Variants in DNAAF9 observed in about 807,000 individuals in gnomAD.
DNAAF9 encodes shulin.
Under a neutral mutation model 167.0 loss-of-function variants are expected in DNAAF9, and 90 were observed. That is an observed-to-expected ratio of 0.54 (90% CI 0.45 to 0.64). The LOEUF (loss-of-function observed/expected upper bound fraction) is 0.64, where lower values mean the gene tolerates loss of function less well. Ranked by LOEUF, DNAAF9 falls within the 30% of genes least tolerant of loss-of-function variation. The probability of loss-of-function intolerance (pLI) is 0.00; values close to 1 mark genes in which losing one functional copy is unlikely to be tolerated. For missense variants in DNAAF9, 1,315 were observed against 1,442.2 expected (o/e 0.91, Z 1.43); for synonymous variants, 491 against 508.8 (o/e 0.96, Z 0.47).
Position 3,298,105 on chromosome 20 carries a change from T to C in DNAAF9, c.1853A>G (p.His618Arg). 6.2e-7 allele frequency: 1 copy of C among 1,612,496 alleles called. No homozygotes were observed. Among genetic ancestry groups the C allele is most frequent in the Non-Finnish European group, 8.5e-7 (1 of 1,178,592 alleles). The stretch of plus-strand genomic sequence containing the variant: ...CAGAAAATTGCTTGATCCATGGAAA[T>C]GAACTGGGAGGTGAGGAAGCAATGA... ...KSSLLPHLPV[H>R]FHGSSNFLMI... Residue 618 changes from histidine to arginine, a missense_variant, in exon 22 of 37, where the codon CAT becomes CGT. His to Arg is a conservative substitution (Grantham distance 29). This residue lies in a region of DNAAF9 where 981 missense variants were observed against 1,012.5 expected (regional missense o/e 0.97). Coordinates refer to ENST00000252032, the MANE Select transcript of DNAAF9 (RefSeq NM_001009984.3).
chr20:3,310,762 C>T (rs1315764184), intron 20 of DNAAF9, among the ~76,000 whole-genome samples: 1 of 151,582 alleles, frequency 6.6e-6, no homozygotes, highest in Non-Finnish European at 1.5e-5. Flanking sequence ...CAAGAACAAG[C>T]ATTTAACAGA....
At chr20:3,400,650 T>G (rs1288642840) in intron 1 of DNAAF9, among the ~76,000 whole-genome samples, 1 of 152,148 alleles carries the variant, frequency 6.6e-6, no homozygotes, top group African/African-American at 2.4e-5. Flanking sequence ...TTTTTAAAAA[T>G]TTTAGGGCAA....
intron 20 of DNAAF9, among the ~76,000 whole-genome samples, chr20:3,313,885 A>G (rs1380155947): frequency 1.3e-5 from 2 of 152,252 alleles, no homozygotes; most frequent in African/African-American, 4.8e-5. Flanking sequence ...CAAACAGGGT[A>G]GAACCAAGAG....
chr20:3,382,439 G>A lies in DNAAF9; in HGVS notation c.151C>T (p.Leu51Phe). ...QSSKSRPDGI[L>F]CILGIDSRYN... Reference sequence around the variant, plus strand: ...TAAAAGCACTGACCTAGGATGCAGAGGATCCCATCCGGCCGAGACTTGCTG... The same window carrying A: ...TAAAAGCACTGACCTAGGATGCAGAAGATCCCATCCGGCCGAGACTTGCTG... Residue 51 changes from leucine (L) to phenylalanine (F), a missense_variant, in exon 2 of 37, where the codon CTC becomes TTC. Physicochemically the swap from Leu to Phe is conservative, Grantham distance 22 (BLOSUM62 0). Coordinates refer to ENST00000252032, the MANE Select transcript of DNAAF9 (RefSeq NM_001009984.3). 1 of 1,613,586 alleles carries A rather than the reference G, an allele frequency of 6.2e-7. No individual in the cohort carries two copies. The highest frequency in any genetic ancestry group is 8.5e-7 in the Non-Finnish European group (1 of 1,179,544).
At chr20:3,403,127 C>G (rs1457284021) in intron 1 of DNAAF9, among the ~76,000 whole-genome samples, 3 of 152,084 alleles carry the variant, frequency 2.0e-5, no homozygotes, top group Admixed American at 6.6e-5. Context: ...TGCCTTGATT[C>G]CCCCACTTCC....
chr20:3,310,247 C>G (rs1033052536), intron 20 of DNAAF9, among the ~76,000 whole-genome samples: 1 of 118,016 alleles, frequency 8.5e-6, no homozygotes, highest in Admixed American at 8.8e-5. Context: ...GAGAGAGAAA[C>G]AGAGAGAGAG....
chr20:3,288,589 T>G (rs1326461030), intron 26 of DNAAF9, among the ~76,000 whole-genome samples: 1 of 152,174 alleles, frequency 6.6e-6, no homozygotes, highest in Non-Finnish European at 1.5e-5. Flanking sequence ...GTAATTTGCC[T>G]CCCCATTCTC....
At chr20:3,266,723 C>T (rs780918506) in intron 30 of DNAAF9, among the ~76,000 whole-genome samples, 18 of 151,932 alleles carry the variant, frequency 1.2e-4, no homozygotes, top group Non-Finnish European at 2.1e-4. Context: ...GTGATCTGCC[C>T]GCCTCAGCCT....
intron 7 of DNAAF9, among the ~76,000 whole-genome samples, chr20:3,350,209 G>C (rs1449851474): frequency 6.9e-6 from 1 of 145,894 alleles, no homozygotes; most frequent in East Asian, 2.0e-4. Context: ...GCCAGGTATG[G>C]TGGCTCATGC....
intron 21 of DNAAF9, among the ~76,000 whole-genome samples, chr20:3,299,841 T>C (rs1460506534): frequency 3.9e-5 from 6 of 152,216 alleles, no homozygotes; most frequent in Non-Finnish European, 7.3e-5. Flanking sequence ...TTTTGCAAGA[T>C]TGTTTTAAAC....
In DNAAF9 at chr20:3,315,124, T is replaced by A. The variant is rs1555791120; in HGVS notation, c.1591-4A>T. 7 of 1,575,248 alleles carry A rather than the reference T, an allele frequency of 4.4e-6. No homozygotes were observed. The highest frequency in any genetic ancestry group is 6.1e-6 in the Non-Finnish European group (7 of 1,145,868). The stretch of plus-strand genomic sequence containing the variant: ...TGCCCAGGAAAGACTCATCCCCCTT[T>A]AAAAACAACAACAAAAACAAAAATC... On this transcript the variant is annotated splice_region_variant and splice_polypyrimidine_tract_variant and intron_variant, in intron 19 of 36. Coordinates refer to ENST00000252032, the MANE Select transcript of DNAAF9 (RefSeq NM_001009984.3). This position sits in a 1 kb window ranked among gnomAD's most constrained non-coding sequence, Gnocchi z 4.1.
At chr20:3,269,163 T>C (rs2068545238) in intron 30 of DNAAF9, among the ~76,000 whole-genome samples, 1 of 151,608 alleles carries the variant, frequency 6.6e-6, no homozygotes, top group Non-Finnish European at 1.5e-5. Context: ...TGCCTTGGCC[T>C]CCCAAAGTGT....
chr20:3,348,924 G>A (rs1329454238), intron 7 of DNAAF9, among the ~76,000 whole-genome samples: 1 of 152,150 alleles, frequency 6.6e-6, no homozygotes, highest in East Asian at 1.9e-4. Flanking sequence ...GGTTGGGATG[G>A]AGACTGACTG....
intron 8 of DNAAF9, among the ~76,000 whole-genome samples, chr20:3,344,877 CTCAT>C (rs1482168148): frequency 6.6e-6 from 1 of 151,980 alleles, no homozygotes; most frequent in East Asian, 1.9e-4. Context: ...AAAATGGGAC[CTCAT>C]TGTTTGTTGT....
At chr20:3,361,055 G>A (rs763606452) in intron 6 of DNAAF9, among the ~76,000 whole-genome samples, 4 of 152,092 alleles carry the variant, frequency 2.6e-5, no homozygotes, top group Non-Finnish European at 5.9e-5. Flanking sequence ...GAATAAGTAT[G>A]GTTACAAAAT....
chr20:3,303,566 C>G (rs1239889899), intron 21 of DNAAF9, among the ~76,000 whole-genome samples: 2 of 152,180 alleles, frequency 1.3e-5, no homozygotes, highest in African/African-American at 4.8e-5. Flanking sequence ...ATAGGGCCAT[C>G]CAATGTGTCC....
Position 3,296,033 on chromosome 20 carries a change from T to G in DNAAF9, c.2018+828A>C, listed in dbSNP as rs895382205. 1.6e-5 allele frequency: 17 copies of G among 1,078,684 alleles called. No individual in the cohort carries two copies. The African/African-American group carries it at 2.5e-4, about 16-fold the overall frequency. The allele number at this position is 1,078,684 out of a possible 1,614,324, so 66.8% of individuals were successfully genotyped here. The stretch of plus-strand genomic sequence containing the variant: ...GGGAACTTCGGTTTCAAGCTGAAAT[T>G]TTCCACCCTGGTAGTAACCCTCATC... On this transcript the variant is annotated intron_variant, in intron 23 of 36. Transcript: ENST00000252032.
intron 12 of DNAAF9, 104 bp from the exon 13 acceptor site, chr20:3,326,388 G>C: frequency 1.2e-6 from 1 of 811,928 alleles, no homozygotes; most frequent in Non-Finnish European, 2.0e-6. Flanking sequence ...TTTTTAAACA[G>C]AATGAAAAAA....
chr20:3,401,592 AATT>A (rs2123307268), intron 1 of DNAAF9, among the ~76,000 whole-genome samples: 1 of 148 alleles, frequency 6.8e-3, no homozygotes, highest in African/African-American at 0.026. Context: ...CTTCACCTGT[AATT>A]ATTATCTTTC....
Sources: gnomAD v4.1 joint callset for allele counts (sites outside exome capture counted in the v4.1 genomes callset) on GRCh38, gnomAD v4.1.1 for gene constraint, gnomAD v4.1.1 regional missense constraint, Gnocchi (gnomAD v3.1) non-coding constraint, MANE v1.5 for transcripts, NCBI Gene and HGNC (gene_info 2026-07-23, HGNC 2026-07-21) for gene names.